EBF1: variants seen among roughly 807,000 people sequenced by gnomAD.
EBF1 encodes the protein EBF transcription factor 1.
A neutral mutation model predicts 68.4 loss-of-function variants in EBF1; 10 were observed. That is an observed-to-expected ratio of 0.15 (90% confidence interval 0.09 to 0.25). The LOEUF (loss-of-function observed/expected upper bound fraction) is 0.25, where lower values mean the gene tolerates loss of function less well. Ranked by LOEUF, EBF1 falls within the 10% of genes least tolerant of loss-of-function variation. EBF1 has a pLI of 1.00. For missense variants in EBF1, 509 were observed against 794.4 expected, an observed-to-expected ratio of 0.64 and a Z score of 4.32; for synonymous variants, 298 against 299.8, an observed-to-expected ratio of 0.99 and a Z score of 0.06.
chr5:159,096,563 C>T lies in EBF1; in HGVS notation c.292-157G>A, dbSNP rs922237929. 6.6e-6 allele frequency: 5 copies of T among 759,240 alleles called. No individual in the cohort carries two copies. In the South Asian group the frequency reaches 6.8e-5, roughly 10 times the overall value. 47.0% of individuals were successfully genotyped at this position (759,240 alleles called of 1,614,324 possible). ...CAGAAATTGTGGCCAATTGTGATCCCTCCTCCGCCCCCTGTTCCTGACTGC... is the reference window on the plus strand; with the variant it reads ...CAGAAATTGTGGCCAATTGTGATCCTTCCTCCGCCCCCTGTTCCTGACTGC... On this transcript the variant is annotated intron_variant, in intron 2 of 15. Coordinates refer to ENST00000313708, the MANE Select transcript of EBF1 (RefSeq NM_024007.5).
At chr5:158,830,617 C>T (rs1182093535) in intron 7 of EBF1, among the ~76,000 whole-genome samples, 2 of 120,288 alleles carry the variant, frequency 1.7e-5, no homozygotes, top group Non-Finnish European at 3.7e-5. Flanking sequence ...TCTCTGGACT[C>T]TCCTAATACT....
At chr5:159,048,862 A>T (rs1481626161) in intron 6 of EBF1, among the ~76,000 whole-genome samples, 4 of 152,188 alleles carry the variant, frequency 2.6e-5, no homozygotes. Flanking sequence ...GCAACTTTTC[A>T]GTTCTGTTGT....
In EBF1 at chr5:158,838,933, A is replaced by G. The variant is rs181519041; in HGVS notation, c.636+1096T>C. On this transcript the variant is annotated intron_variant, in intron 7 of 15. Transcript: ENST00000313708. ...CAGCACAAGGGTCTAAAACTTTGCA[A>G]CTCAAAGTGTGGGCGGTGGCCTTGG... is the stretch of plus-strand genomic sequence containing the variant. Among the ~76,000 whole-genome samples the G allele has an allele frequency of 7.2e-5, 11 of 152,274 alleles. No homozygotes were observed. In the East Asian group the frequency reaches 1.9e-3, roughly 27 times the overall value.
At chr5:158,703,184 T>A (rs1158161537) in intron 15 of EBF1, among the ~76,000 whole-genome samples, 2 of 152,110 alleles carry the variant, frequency 1.3e-5, no homozygotes, top group African/African-American at 2.4e-5. Flanking sequence ...GGAGAGGACA[T>A]CTCCATGGAC....
In EBF1 at chr5:159,097,931, G is replaced by GCA. The variant is rs142473933; in HGVS notation, c.135-803_135-802dup. Among the ~76,000 whole-genome samples the GCA allele has an allele frequency of 1.3e-4, 19 of 151,546 alleles. No homozygotes were observed. In the South Asian group the frequency reaches 2.5e-3, roughly 20 times the overall value. On this transcript the variant is annotated intron_variant, in intron 1 of 15. Coordinates refer to ENST00000313708, the MANE Select transcript of EBF1 (RefSeq NM_024007.5). ...ACCTGCCCAACACAAGCGCGCACAGGCACACACACACACATAGAAGAACAC... is the reference window on the plus strand; with the variant it reads ...ACCTGCCCAACACAAGCGCGCACAGGCACACACACACACACATAGAAGAACAC...
chr5:159,086,398 A>C (rs930370786), intron 4 of EBF1, among the ~76,000 whole-genome samples: 1 of 152,192 alleles, frequency 6.6e-6, no homozygotes, highest in African/African-American at 2.4e-5. Flanking sequence ...CAGTTACCCA[A>C]TAATGTCCTT....
At chr5:159,078,416 T>C (rs1282033929) in intron 5 of EBF1, among the ~76,000 whole-genome samples, 6 of 152,190 alleles carry the variant, frequency 3.9e-5, no homozygotes, top group Admixed American at 2.6e-4. Flanking sequence ...CAAAAGCACT[T>C]AACGGAAAAA....
intron 6 of EBF1, among the ~76,000 whole-genome samples, chr5:158,990,414 G>A (rs911825704): frequency 2.0e-5 from 3 of 152,184 alleles, no homozygotes; most frequent in African/African-American, 7.2e-5. Flanking sequence ...ATTAGAGGAG[G>A]AGACTATTTT....
intron 6 of EBF1, among the ~76,000 whole-genome samples, chr5:158,851,306 T>C (rs147244802): frequency 7.7e-6 from 1 of 129,638 alleles, no homozygotes; most frequent in Non-Finnish European, 1.5e-5. Context: ...ACCTAGGAGG[T>C]AGAAGTTGCA....
At chr5:158,863,025 A>G (rs1795230578) in intron 6 of EBF1, among the ~76,000 whole-genome samples, 1 of 152,220 alleles carries the variant, frequency 6.6e-6, no homozygotes, top group South Asian at 2.1e-4. Context: ...TCTCACTGTC[A>G]CATGGCATAA....
At chr5:158,758,416 G>A (rs11950332) in intron 10 of EBF1, among the ~76,000 whole-genome samples, 2,314 of 152,184 alleles carry the variant, frequency 0.015, 57 homozygotes, top group African/African-American at 0.053. Context: ...TCCTGAATTT[G>A]AGACTACACT....
intron 6 of EBF1, among the ~76,000 whole-genome samples, chr5:158,913,174 C>A (rs1806401038): frequency 6.6e-6 from 1 of 152,146 alleles, no homozygotes; most frequent in Non-Finnish European, 1.5e-5. Context: ...AAATAGAGTT[C>A]TGGGATTTTT....
chr5:158,843,255 A>C (rs1790691256), intron 6 of EBF1, among the ~76,000 whole-genome samples: 1 of 152,202 alleles, frequency 6.6e-6, no homozygotes, highest in African/African-American at 2.4e-5. Context: ...AGGAGCTGTC[A>C]GCACACCCTC....
intron 7 of EBF1, among the ~76,000 whole-genome samples, chr5:158,825,529 T>A (rs1785893975): frequency 6.6e-6 from 1 of 151,530 alleles, no homozygotes; most frequent in African/African-American, 2.4e-5. Context: ...CATGCACCTG[T>A]AAGACACAAG....
At chr5:159,081,572 T>C (rs1779745812) in intron 5 of EBF1, among the ~76,000 whole-genome samples, 1 of 152,134 alleles carries the variant, frequency 6.6e-6, no homozygotes. Context: ...GAAGAAGCCA[T>C]GCTTAAGTGG....
intron 5 of EBF1, among the ~76,000 whole-genome samples, chr5:159,082,604 T>C (rs1368645072): frequency 6.6e-6 from 1 of 152,190 alleles, no homozygotes; most frequent in Non-Finnish European, 1.5e-5. Context: ...TGAGAATTTT[T>C]TTCCTAAAGC....
In EBF1 at chr5:158,969,896, GAAAGAAAGAAAGAAAGAAAGAA is replaced by G. The variant is rs1465800783; in HGVS notation, c.554+103478_554+103499del. 9.7e-4 allele frequency among the ~76,000 whole-genome samples: 97 copies of G among 100,040 alleles called. 1 individual carries two copies. The highest frequency in any genetic ancestry group is 2.4e-3 in the East Asian group (8 of 3,350). 65.6% of individuals were successfully genotyped at this position (100,040 alleles called of 152,430 possible). ...AGAAAGAAAGAAAGAAAGAAAGAAA[GAAAGAAAGAAAGAAAGAAAGAA>G]AAAAAAAAAAAAGGCTGCTGGAAGT... On this transcript the variant is annotated intron_variant, in intron 6 of 15. Transcript: ENST00000313708.
intron 11 of EBF1, 42 bp from the exon 12 acceptor site, chr5:158,714,224 G>A: frequency 6.2e-7 from 1 of 1,607,826 alleles, no homozygotes; most frequent in Non-Finnish European, 8.5e-7. Context: ...AGTGAAGGCA[G>A]GTTGTCGTTA....
intron 10 of EBF1, among the ~76,000 whole-genome samples, chr5:158,747,037 T>A (rs1181604046): frequency 6.6e-6 from 1 of 152,196 alleles, no homozygotes; most frequent in Non-Finnish European, 1.5e-5. Flanking sequence ...GATCTTGATG[T>A]GGTCAGGTAG....
Sources: gnomAD v4.1 joint callset for allele counts (sites outside exome capture counted in the v4.1 genomes callset) on GRCh38, gnomAD v4.1.1 for gene constraint, MANE v1.5 for transcripts, NCBI Gene and HGNC (gene_info 2026-07-23, HGNC 2026-07-21) for gene names.